MACROD2: variants seen among roughly 807,000 people sequenced by gnomAD.
MACROD2 encodes mono-ADP ribosylhydrolase 2.
In MACROD2, 36 loss-of-function variants were observed where a neutral mutation model predicts 70.4. The ratio of observed to expected loss-of-function variants is 0.51; its 90% CI spans 0.39 to 0.68. The LOEUF (loss-of-function observed/expected upper bound fraction) is 0.68, where lower values mean the gene tolerates loss of function less well. MACROD2 is among the 30% of genes least tolerant of loss of function. MACROD2 has a pLI of 0.00. For missense variants in MACROD2, 496 were observed against 538.4 expected, an observed-to-expected ratio of 0.92 and a Z score of 0.78; for synonymous variants, 172 against 178.8, an observed-to-expected ratio of 0.96 and a Z score of 0.30.
chr20:15,966,427 C>T (rs1002481623), intron 12 of MACROD2, among the ~76,000 whole-genome samples: 3 of 152,118 alleles, frequency 2.0e-5, no homozygotes, highest in Non-Finnish European at 4.4e-5. Context: ...TGTTTTGTTT[C>T]CTGTTGGCTC....
chr20:14,568,132 T>G (rs1979929809), intron 4 of MACROD2, among the ~76,000 whole-genome samples: 1 of 152,182 alleles, frequency 6.6e-6, no homozygotes, highest in Admixed American at 6.6e-5. Flanking sequence ...ATAAGCATAC[T>G]TTTGTGTTAC....
chr20:15,776,193 G>A (rs1373202679), intron 8 of MACROD2, among the ~76,000 whole-genome samples: 8 of 152,062 alleles, frequency 5.3e-5, no homozygotes, highest in African/African-American at 1.9e-4. Context: ...TACTTCTTTC[G>A]GCAGTAACAT....
At chr20:14,570,877 A>AT (rs11480995) in intron 4 of MACROD2, among the ~76,000 whole-genome samples, 3,031 of 151,458 alleles carry the variant, frequency 0.02, 105 homozygotes, top group African/African-American at 0.068. Context: ...GAATTATGTG[A>AT]TTTTTTTTTA....
At chr20:15,805,076 A>G (rs752995606) in intron 8 of MACROD2, among the ~76,000 whole-genome samples, 17 of 152,304 alleles carry the variant, frequency 1.1e-4, no homozygotes, top group Admixed American at 3.3e-4. Flanking sequence ...CCCTACTGGT[A>G]ATTCCCAGGA....
intron 6 of MACROD2, among the ~76,000 whole-genome samples, chr20:15,404,807 G>A (rs1323256014): frequency 6.6e-6 from 1 of 152,078 alleles, no homozygotes; most frequent in East Asian, 1.9e-4. Flanking sequence ...CTCATTTGTG[G>A]GATATCATAT....
At chr20:14,932,081 G>A (rs1056058898) in intron 5 of MACROD2, among the ~76,000 whole-genome samples, 5 of 151,426 alleles carry the variant, frequency 3.3e-5, no homozygotes, top group African/African-American at 7.3e-5. Flanking sequence ...TACCTGGTAC[G>A]AAATAAAGGA....
intron 8 of MACROD2, among the ~76,000 whole-genome samples, chr20:15,831,090 C>G (rs1224687001): frequency 2.0e-5 from 3 of 152,106 alleles, no homozygotes; most frequent in Admixed American, 2.0e-4. Flanking sequence ...TGCTACTAAG[C>G]CAGTCATGAA....
intron 4 of MACROD2, among the ~76,000 whole-genome samples, chr20:14,512,563 C>G (rs1019393219): frequency 3.3e-5 from 5 of 152,058 alleles, no homozygotes; most frequent in Non-Finnish European, 7.4e-5. Context: ...TGAATGAGAC[C>G]TCGCTGCCCA....
At chr20:15,429,527 C>T (rs1429631190) in intron 6 of MACROD2, among the ~76,000 whole-genome samples, 9 of 151,930 alleles carry the variant, frequency 5.9e-5, no homozygotes, top group African/African-American at 1.2e-4. Flanking sequence ...TAAATTTTGA[C>T]GTTTTTAATA....
At chr20:15,320,465 T>G (rs2077862504) in intron 6 of MACROD2, among the ~76,000 whole-genome samples, 1 of 152,214 alleles carries the variant, frequency 6.6e-6, no homozygotes, top group South Asian at 2.1e-4. Context: ...TTACTTCAGC[T>G]TCTGTTTACC....
intron 3 of MACROD2, among the ~76,000 whole-genome samples, chr20:14,435,862 A>G (rs755610822): frequency 1.3e-5 from 2 of 152,002 alleles, no homozygotes; most frequent in Non-Finnish European, 2.9e-5. Flanking sequence ...GCCCGCCACC[A>G]CACCTGGCTA....
At chr20:15,391,691 TG>T (rs370142909) in intron 6 of MACROD2, among the ~76,000 whole-genome samples, 5 of 152,232 alleles carry the variant, frequency 3.3e-5, no homozygotes, top group African/African-American at 1.2e-4. Context: ...CTGATTCCTT[TG>T]CTTCTTTTTC....
chr20:15,178,465 G>A (rs1399723991), intron 5 of MACROD2, among the ~76,000 whole-genome samples: 2 of 152,210 alleles, frequency 1.3e-5, no homozygotes, highest in Non-Finnish European at 2.9e-5. Flanking sequence ...AAGATTGGAA[G>A]TGGATTTGCC....
At chr20:14,162,103 AT>A (rs1404426340) in intron 3 of MACROD2, among the ~76,000 whole-genome samples, 1 of 151,946 alleles carries the variant, frequency 6.6e-6, no homozygotes, top group Non-Finnish European at 1.5e-5. Flanking sequence ...TGTTTTAAGA[AT>A]TTTTTTTATT....
At chr20:15,663,835 T>A (rs546578588) in intron 8 of MACROD2, among the ~76,000 whole-genome samples, 13 of 152,148 alleles carry the variant, frequency 8.5e-5, no homozygotes, top group Admixed American at 8.5e-4. Flanking sequence ...CTTCCCCACA[T>A]AAGGCCCCAC....
chr20:14,871,750 CAT>C (rs1380890851), intron 5 of MACROD2, among the ~76,000 whole-genome samples: 3 of 152,060 alleles, frequency 2.0e-5, no homozygotes, highest in Non-Finnish European at 4.4e-5. Context: ...GAAAGAAGAT[CAT>C]AGATATGCTA....
intron 13 of MACROD2, among the ~76,000 whole-genome samples, chr20:15,969,495 C>A (rs2147415057): frequency 6.6e-6 from 1 of 151,976 alleles, no homozygotes; most frequent in Non-Finnish European, 1.5e-5. Flanking sequence ...AAGTTCAAAA[C>A]CAATTTTACA....
intron 4 of MACROD2, among the ~76,000 whole-genome samples, chr20:14,520,492 AT>A (rs11379255): frequency 0.21 from 30,470 of 144,708 alleles, 3,391 homozygotes; most frequent in South Asian, 0.38. Context: ...TTTTGTTATT[AT>A]TTTTTTTTTT....
chr20:15,810,301 T>A (rs1018865805), intron 8 of MACROD2, among the ~76,000 whole-genome samples: 1 of 151,734 alleles, frequency 6.6e-6, no homozygotes, highest in African/African-American at 2.4e-5. Context: ...TCTTTGCTAT[T>A]GTGAATAGTG....
Sources: gnomAD v4.1 joint callset for allele counts (sites outside exome capture counted in the v4.1 genomes callset) on GRCh38, gnomAD v4.1.1 for gene constraint, MANE v1.5 for transcripts, NCBI Gene and HGNC (gene_info 2026-07-23, HGNC 2026-07-21) for gene names.